RALYL: variants seen among roughly 807,000 people sequenced by gnomAD.
The protein encoded by RALYL is RNA-binding Raly-like protein.
A neutral mutation model predicts 35.1 loss-of-function variants in RALYL; 29 were observed. The observed-to-expected ratio is 0.83, with a 90% CI of 0.61 to 1.13. The LOEUF is 1.13. Ranked by LOEUF, RALYL falls within the 50% of genes most tolerant of loss-of-function variation. The pLI is 0.00. For synonymous variants in RALYL, 120 were observed against 127.6 expected (o/e 0.94, Z 0.40); for missense variants, 359 against 360.4 (o/e 1.00, Z 0.03).
At chr8:84,686,430 G>C (rs149350878) in intron 2 of RALYL, among the ~76,000 whole-genome samples, 1 of 151,424 alleles carries the variant, frequency 6.6e-6, no homozygotes, top group Non-Finnish European at 1.5e-5. Context: ...TTTGAGACTG[G>C]GTTCAGCTCT....
intron 2 of RALYL, among the ~76,000 whole-genome samples, chr8:84,714,981 G>T (rs912910675): frequency 6.6e-6 from 1 of 151,758 alleles, no homozygotes; most frequent in Non-Finnish European, 1.5e-5. Context: ...AAAAATGAAA[G>T]TATGTTCAGT....
intron 1 of RALYL, among the ~76,000 whole-genome samples, chr8:84,488,231 A>C (rs997221820): frequency 6.6e-6 from 1 of 152,068 alleles, no homozygotes; most frequent in Non-Finnish European, 1.5e-5. Context: ...CAGCTTCACC[A>C]GTTCAGTGAT....
At chr8:84,223,201 TTCCATTCC>T (rs1459165084) in intron 1 of RALYL, among the ~76,000 whole-genome samples, 52 of 67,188 alleles carry the variant, frequency 7.7e-4, no homozygotes, top group African/African-American at 2.9e-3. Context: ...TTCCCTTCCC[TTCCATTCC>T]TCCCTTCCCT....
intron 2 of RALYL, among the ~76,000 whole-genome samples, chr8:84,617,873 C>G (rs1251414736): frequency 3.3e-5 from 5 of 151,832 alleles, no homozygotes; most frequent in African/African-American, 9.7e-5. Flanking sequence ...GTCTTTGGCT[C>G]TGTCTTTATG....
At chr8:84,569,308 C>A (rs909106523) in intron 2 of RALYL, among the ~76,000 whole-genome samples, 3 of 151,978 alleles carry the variant, frequency 2.0e-5, no homozygotes, top group Admixed American at 2.0e-4. Context: ...ATAGGGAATC[C>A]TTTCCCCATT....
chr8:84,894,620 C>T (rs928359286), intron 8 of RALYL, among the ~76,000 whole-genome samples: 3 of 152,118 alleles, frequency 2.0e-5, no homozygotes, highest in Non-Finnish European at 4.4e-5. Flanking sequence ...TGTCCACTGG[C>T]CATCTGTTCT....
intron 1 of RALYL, among the ~76,000 whole-genome samples, chr8:84,506,988 T>C (rs1017140491): frequency 6.6e-6 from 1 of 152,088 alleles, no homozygotes; most frequent in African/African-American, 2.4e-5. Context: ...GACTGTCATC[T>C]AGCTGGCACT....
intron 2 of RALYL, among the ~76,000 whole-genome samples, chr8:84,646,992 C>G (rs1050482419): frequency 6.6e-6 from 1 of 151,960 alleles, no homozygotes; most frequent in Admixed American, 6.6e-5. Context: ...TTCTCCACAC[C>G]CACAGGCAAT....
At chr8:84,221,973 A>G (rs1324372163) in intron 1 of RALYL, among the ~76,000 whole-genome samples, 2 of 152,080 alleles carry the variant, frequency 1.3e-5, no homozygotes, top group African/African-American at 2.4e-5. Context: ...TTAAATATCT[A>G]TCTTTGTGTT....
intron 2 of RALYL, among the ~76,000 whole-genome samples, chr8:84,632,351 C>G (rs144710886): frequency 5.5e-4 from 83 of 152,070 alleles, no homozygotes; most frequent in African/African-American, 1.9e-3. Flanking sequence ...CCATTTCCAT[C>G]TTTAAAATGG....
intron 1 of RALYL, among the ~76,000 whole-genome samples, chr8:84,467,867 C>T (rs1067018): frequency 0.51 from 59,795 of 117,108 alleles, 15,100 homozygotes; most frequent in Middle Eastern, 0.6. Context: ...TTAGCTCTTC[C>T]TGTTGAATTG....
intron 4 of RALYL, among the ~76,000 whole-genome samples, chr8:84,813,506 G>A (rs1826393270): frequency 6.6e-6 from 1 of 152,152 alleles, no homozygotes; most frequent in Non-Finnish European, 1.5e-5. Flanking sequence ...ATGGTATATG[G>A]TTTATTACAT....
intron 4 of RALYL, among the ~76,000 whole-genome samples, chr8:84,845,966 C>G (rs972554703): frequency 6.6e-6 from 1 of 152,102 alleles, no homozygotes; most frequent in African/African-American, 2.4e-5. Flanking sequence ...GTCCTTATTT[C>G]TAGGTTCTCT....
chr8:84,680,120 G>C (rs1355998630), intron 2 of RALYL, among the ~76,000 whole-genome samples: 1 of 151,932 alleles, frequency 6.6e-6, no homozygotes, highest in Non-Finnish European at 1.5e-5. Context: ...TTGTCCTTGC[G>C]ATAGTTTGCT....
chr8:84,917,976 G>A (rs192554864), intron 8 of RALYL, among the ~76,000 whole-genome samples: 1 of 152,104 alleles, frequency 6.6e-6, no homozygotes, highest in East Asian at 1.9e-4. Context: ...AAGTGTGAGT[G>A]GCTGAATGAT....
intron 1 of RALYL, among the ~76,000 whole-genome samples, chr8:84,447,493 C>T (rs1022080937): frequency 6.6e-6 from 1 of 152,024 alleles, no homozygotes; most frequent in Non-Finnish European, 1.5e-5. Flanking sequence ...TCCCTTTAAC[C>T]TCTACCTTAT....
At chr8:84,840,430 A>C (rs1280088395) in intron 4 of RALYL, among the ~76,000 whole-genome samples, 1 of 152,218 alleles carries the variant, frequency 6.6e-6, no homozygotes, top group Admixed American at 6.5e-5. Flanking sequence ...AAAAGAAAAA[A>C]GAAATGAACA....
intron 3 of RALYL, among the ~76,000 whole-genome samples, chr8:84,777,161 A>G (rs933612124): frequency 6.6e-6 from 1 of 152,236 alleles, no homozygotes; most frequent in Admixed American, 6.5e-5. Flanking sequence ...TGAGTTTCCA[A>G]GACAATAAAG....
At chr8:84,549,491 C>A (rs1467734430) in intron 2 of RALYL, among the ~76,000 whole-genome samples, 1 of 152,102 alleles carries the variant, frequency 6.6e-6, no homozygotes, top group Non-Finnish European at 1.5e-5. Context: ...GGGGCTAGGG[C>A]TAGAAGTGGA....
Sources: gnomAD v4.1 joint callset for allele counts (sites outside exome capture counted in the v4.1 genomes callset) on GRCh38, gnomAD v4.1.1 for gene constraint, MANE v1.5 for transcripts, NCBI Gene and HGNC (gene_info 2026-07-23, HGNC 2026-07-21) for gene names.